VWA5B1: variants seen among roughly 807,000 people sequenced by gnomAD.
VWA5B1 encodes the protein von Willebrand factor A domain-containing protein 5B1.
VWA5B1 carries 115 observed loss-of-function variants against 118.2 expected under a neutral mutation model. That is an observed-to-expected ratio of 0.97 (90% CI 0.84 to 1.14). The LOEUF (loss-of-function observed/expected upper bound fraction) is 1.14. VWA5B1 is among the 50% of genes most tolerant of loss of function. The pLI, the probability that VWA5B1 is intolerant of heterozygous loss-of-function variation, is 0.00. For missense variants in VWA5B1, 1,596 were observed against 1,603.8 expected (o/e 1.00, Z 0.08); for synonymous variants, 682 against 658.4 (o/e 1.04, Z -0.55).
chr1:20,333,037 C>T (rs764368848), intron 12 of VWA5B1, 86 bp downstream of exon 12: 28 of 1,445,644 alleles, frequency 1.9e-5, no homozygotes, highest in East Asian at 2.5e-5. Flanking sequence ...CTATTTGTGA[C>T]AGCTAGAAAC....
At chr1:20,304,448 A>C (rs960779305) in intron 1 of VWA5B1, among the ~76,000 whole-genome samples, 1 of 152,088 alleles carries the variant, frequency 6.6e-6, no homozygotes, top group Admixed American at 6.5e-5. Flanking sequence ...GGCACTGGAG[A>C]GAGACAAGGA....
intron 21 of VWA5B1, 93 bp from the exon 22 acceptor site, chr1:20,353,664 G>C: frequency 1.4e-6 from 2 of 1,413,162 alleles, no homozygotes; most frequent in Non-Finnish European, 1.8e-6. Context: ...CAGGCAGGGT[G>C]GGGTGGGCAA....
chr1:20,330,263 G>T lies in VWA5B1; in HGVS notation c.1338G>T (p.Trp446Cys), dbSNP rs948895888. The change falls in exon 10 of 22, where the codon TGG becomes TGT. Residue 446 changes from tryptophan (W) to cysteine (C), a missense_variant. Coordinates refer to ENST00000289815, the MANE Select transcript of VWA5B1 (RefSeq NM_001039500.3). ...CCAACATCCTTTCCCCTCTCAAGTGGGTCATCAGGCAGCCAGTGCACCGAG... is the reference window on the plus strand; with the variant it reads ...CCAACATCCTTTCCCCTCTCAAGTGTGTCATCAGGCAGCCAGTGCACCGAG... ...GGTNILSPLK[W>C]VIRQPVHRGH... is the part of the protein sequence containing the mutation. 1 of 1,551,730 alleles carries T rather than the reference G, an allele frequency of 6.4e-7. No homozygotes were observed. Among genetic ancestry groups the T allele is most frequent in the Non-Finnish European group, 8.7e-7 (1 of 1,147,022 alleles).
rs1389882093 is a variant in VWA5B1, at chr1:20,355,958, T to C, written c.*1695T>C. On this transcript the variant is annotated 3_prime_UTR_variant, in exon 22 of 22. Transcript: ENST00000289815. ...CCCAGGCAGGCAGGCCTGGACACTG[T>C]GGCCATCACAACCCCAGGTGGGGCA... Among the ~76,000 whole-genome samples, 1 of 152,242 alleles carries C rather than the reference T, an allele frequency of 6.6e-6. No homozygotes were observed. Among genetic ancestry groups the C allele is most frequent in the East Asian group, 1.9e-4 (1 of 5,180 alleles).
At chr1:20,316,396 G>A (rs1321854224) in intron 4 of VWA5B1, among the ~76,000 whole-genome samples, 1 of 152,172 alleles carries the variant, frequency 6.6e-6, no homozygotes, top group African/African-American at 2.4e-5. Flanking sequence ...AGTTAGCAGC[G>A]AGGACTTGGG....
chr1:20,303,640 C>T (rs1363327938), intron 1 of VWA5B1, among the ~76,000 whole-genome samples: 3 of 152,192 alleles, frequency 2.0e-5, no homozygotes, highest in Non-Finnish European at 2.9e-5. Flanking sequence ...CCCAGGGACA[C>T]TAACCTCAGG....
At chr1:20,295,204 G>A (rs541840102) in intron 1 of VWA5B1, among the ~76,000 whole-genome samples, 7 of 152,210 alleles carry the variant, frequency 4.6e-5, no homozygotes, top group Admixed American at 1.3e-4. Context: ...AGGGAGGAAC[G>A]TAAACAAGGG....
At chr1:20,313,543 C>G (rs2100847320) in intron 3 of VWA5B1, among the ~76,000 whole-genome samples, 1 of 152,330 alleles carries the variant, frequency 6.6e-6, no homozygotes, top group East Asian at 1.9e-4. Flanking sequence ...GCAACTGGCT[C>G]AAGGTCAGTA....
intron 18 of VWA5B1, among the ~76,000 whole-genome samples, chr1:20,348,817 A>T (rs987455120): frequency 6.6e-6 from 1 of 152,184 alleles, no homozygotes; most frequent in African/African-American, 2.4e-5. Context: ...ACCTGGTTTC[A>T]TTGTGCCTGC....
At chr1:20,296,245 G>A (rs2088404451) in intron 1 of VWA5B1, among the ~76,000 whole-genome samples, 1 of 152,196 alleles carries the variant, frequency 6.6e-6, no homozygotes, top group East Asian at 1.9e-4. Flanking sequence ...CTGAATAAAT[G>A]TCTGTTCTTG....
At position 20,357,293 on chromosome 1, in the gene VWA5B1, G is replaced by A. The variant is rs114592908; in HGVS notation, c.*3030G>A. Reference sequence around the variant, plus strand: ...GTTTCATCTTTTGTGGAATGACGGGGGTTCACAAGATCAGCATTTCCAACC... The same window carrying A: ...GTTTCATCTTTTGTGGAATGACGGGAGTTCACAAGATCAGCATTTCCAACC... On this transcript the variant is annotated 3_prime_UTR_variant, in exon 22 of 22. Transcript: ENST00000289815. Among the ~76,000 whole-genome samples the A allele has an allele frequency of 3.9e-3, 597 of 152,294 alleles. 1 individual carries two copies. Among genetic ancestry groups the A allele is most frequent in the Middle Eastern group, 0.01 (3 of 294 alleles).
At chr1:20,332,316 C>A (rs2089581096) in intron 11 of VWA5B1, among the ~76,000 whole-genome samples, 1 of 151,830 alleles carries the variant, frequency 6.6e-6, no homozygotes, top group Admixed American at 6.6e-5. Context: ...CCCGTCTCTA[C>A]TAAATATACA....
At chr1:20,321,858 G>T (rs2089228918) in intron 7 of VWA5B1, among the ~76,000 whole-genome samples, 1 of 152,164 alleles carries the variant, frequency 6.6e-6, no homozygotes, top group South Asian at 2.1e-4. Flanking sequence ...AGTGGGTAGA[G>T]AGGAGGTGGA....
rs369472126 is a variant in VWA5B1, at chr1:20,358,186, A to T, written c.*3923A>T. ...CCTTCACTGACCTGAGCTGCCACTC[A>T]CTGCCACTTGCTGTGGCTGATGAAT... On this transcript the variant is annotated 3_prime_UTR_variant, in exon 22 of 22. Transcript: ENST00000289815. Among the ~76,000 whole-genome samples the T allele has an allele frequency of 2.7e-4, 41 of 152,290 alleles. No individual in the cohort carries two copies. In the East Asian group the frequency reaches 7.7e-3, roughly 29 times the overall value.
In VWA5B1 at chr1:20,318,683, C is replaced by A; in HGVS notation, c.803C>A (p.Thr268Asn). The A allele has an allele frequency of 6.5e-7, 1 of 1,540,516 alleles. No homozygotes were observed. Among genetic ancestry groups the A allele is most frequent in the Non-Finnish European group, 8.8e-7 (1 of 1,140,130 alleles). ...SIIITLANKH[T>N]FDRPVEILIH... is the part of the protein sequence containing the mutation. ...ATCATCACCTTGGCCAACAAGCACACCTTTGACCGGCCTGTGGAGATCCTC... is the reference window on the plus strand; with the variant it reads ...ATCATCACCTTGGCCAACAAGCACAACTTTGACCGGCCTGTGGAGATCCTC... The change falls in exon 6 of 22, where the codon ACC becomes AAC. Residue 268 changes from threonine to asparagine, a missense_variant. Physicochemically the swap from Thr to Asn is moderately conservative, Grantham distance 65 (BLOSUM62 0). Coordinates refer to ENST00000289815, the MANE Select transcript of VWA5B1 (RefSeq NM_001039500.3).
chr1:20,300,655 G>C (rs963397859), intron 1 of VWA5B1, among the ~76,000 whole-genome samples: 11 of 152,202 alleles, frequency 7.2e-5, no homozygotes, highest in Admixed American at 7.2e-4. Flanking sequence ...TGATAGGATT[G>C]TCCTGAGGGT....
intron 1 of VWA5B1, among the ~76,000 whole-genome samples, chr1:20,304,918 G>A (rs749564540): frequency 1.3e-4 from 19 of 151,998 alleles, no homozygotes; most frequent in African/African-American, 2.2e-4. Context: ...ACTCACCTCC[G>A]AGAGATGCTG....
chr1:20,302,156 C>T (rs1369727753), intron 1 of VWA5B1, among the ~76,000 whole-genome samples: 1 of 152,188 alleles, frequency 6.6e-6, no homozygotes, highest in East Asian at 1.9e-4. Context: ...GACATCTCAA[C>T]TGGCTGGACT....
chr1:20,300,304 A>C (rs993005246), intron 1 of VWA5B1, among the ~76,000 whole-genome samples: 1 of 152,146 alleles, frequency 6.6e-6, no homozygotes, highest in East Asian at 1.9e-4. Context: ...ATGAGTATAC[A>C]TCTTCAGTCC....
Sources: allele counts gnomAD v4.1 joint callset (sites outside exome capture counted in the v4.1 genomes callset), GRCh38; gene constraint gnomAD v4.1.1; transcripts MANE v1.5; gene names NCBI Gene and HGNC (gene_info 2026-07-23, HGNC 2026-07-21).